The following KCNH1 variants were observed in gnomAD, a reference collection of about 807,000 sequenced individuals.
The protein encoded by KCNH1 is potassium voltage-gated channel subfamily H member 1, also known as voltage-gated delayed rectifier potassium channel KCNH1.
KCNH1 carries 27 observed loss-of-function variants against 69.2 expected under a neutral mutation model. That is an observed-to-expected ratio of 0.39 (90% CI 0.29 to 0.54). The LOEUF (loss-of-function observed/expected upper bound fraction) is 0.54, where lower values mean the gene tolerates loss of function less well. KCNH1 is among the 20% of genes least tolerant of loss of function. KCNH1 has a pLI of 0.68. For missense variants in KCNH1, 798 were observed against 1,261.6 expected (o/e 0.63, Z 5.57); for synonymous variants, 456 against 487.7 (o/e 0.93, Z 0.86).
intron 1 of KCNH1, among the ~76,000 whole-genome samples, chr1:211,127,189 A>G (rs1691791415): frequency 6.6e-6 from 1 of 152,206 alleles, no homozygotes; most frequent in Non-Finnish European, 1.5e-5. Context: ...TCGTGCTTAT[A>G]AAACTGAACC....
intron 5 of KCNH1, among the ~76,000 whole-genome samples, chr1:211,023,673 A>C (rs1263442841): frequency 6.6e-6 from 1 of 152,098 alleles, no homozygotes; most frequent in East Asian, 1.9e-4. Context: ...AGAGAATGTG[A>C]TAGGGAAGCG....
intron 3 of KCNH1, among the ~76,000 whole-genome samples, chr1:211,090,971 C>T (rs1691041060): frequency 6.6e-6 from 1 of 152,090 alleles, no homozygotes; most frequent in African/African-American, 2.4e-5. Flanking sequence ...AGAACCCCAC[C>T]AGATGTTATG....
At chr1:210,786,435 C>A (rs1684104500) in intron 9 of KCNH1, among the ~76,000 whole-genome samples, 1 of 152,120 alleles carries the variant, frequency 6.6e-6, no homozygotes, top group African/African-American at 2.4e-5. Flanking sequence ...TACGACCCCT[C>A]CCCCACCACA....
At chr1:210,934,852 T>G (rs1687747054) in intron 6 of KCNH1, among the ~76,000 whole-genome samples, 1 of 151,576 alleles carries the variant, frequency 6.6e-6, no homozygotes, top group South Asian at 2.1e-4. Context: ...TAATATAAAT[T>G]GGTTATAAAT....
chr1:210,867,697 C>T (rs1020416484), intron 7 of KCNH1, among the ~76,000 whole-genome samples: 1 of 151,976 alleles, frequency 6.6e-6, no homozygotes, highest in African/African-American at 2.4e-5. Context: ...CCCTAGGCAA[C>T]AATTGATCTA....
At position 210,869,751 on chromosome 1, in the gene KCNH1, T is replaced by C. The variant is rs566013582; in HGVS notation, c.1462+49889A>G. Among the ~76,000 whole-genome samples the C allele has an allele frequency of 3.3e-5, 5 of 152,264 alleles. No individual in the cohort carries two copies. The South Asian group carries it at 1.0e-3, about 32-fold the overall frequency. ...CCTATAACTAAGCTGTGACTTATTT[T>C]GGAATGCCCTCAATATTAAGCAAGG... On this transcript the variant is annotated intron_variant, in intron 7 of 10. Coordinates refer to ENST00000271751, the MANE Select transcript of KCNH1 (RefSeq NM_172362.3).
intron 9 of KCNH1, among the ~76,000 whole-genome samples, chr1:210,784,011 G>A (rs995928431): frequency 6.6e-5 from 10 of 152,182 alleles, no homozygotes; most frequent in Admixed American, 2.6e-4. Flanking sequence ...AGCACATTCA[G>A]AGCAAAACCT....
chr1:211,044,268 C>T (rs1256296845), intron 5 of KCNH1, among the ~76,000 whole-genome samples: 1 of 152,150 alleles, frequency 6.6e-6, no homozygotes, highest in Non-Finnish European at 1.5e-5. Flanking sequence ...TTAATGTACA[C>T]AAATCAGTAG....
At chr1:210,813,608 T>G (rs896980973) in intron 7 of KCNH1, among the ~76,000 whole-genome samples, 3 of 152,202 alleles carry the variant, frequency 2.0e-5, no homozygotes, top group African/African-American at 7.2e-5. Flanking sequence ...TCTTCTAATG[T>G]GATATTGATG....
At chr1:211,078,964 G>T (rs1271269441) in intron 5 of KCNH1, among the ~76,000 whole-genome samples, 2 of 148,526 alleles carry the variant, frequency 1.3e-5, no homozygotes, top group Admixed American at 6.7e-5. Flanking sequence ...TAACTAAGAT[G>T]AGAGCAGAAC....
chr1:211,088,819 A>G (rs935805691), intron 4 of KCNH1, among the ~76,000 whole-genome samples: 1 of 152,154 alleles, frequency 6.6e-6, no homozygotes, highest in African/African-American at 2.4e-5. Context: ...GTATCTCCTC[A>G]TGAGTGTCTG....
At chr1:210,799,567 C>T (rs1018814031) in intron 8 of KCNH1, among the ~76,000 whole-genome samples, 2 of 152,188 alleles carry the variant, frequency 1.3e-5, no homozygotes, top group African/African-American at 4.8e-5. Flanking sequence ...GCATGGCCCC[C>T]TACATAGCAA....
At chr1:210,711,655 C>A (rs1682078200) in intron 10 of KCNH1, among the ~76,000 whole-genome samples, 1 of 152,214 alleles carries the variant, frequency 6.6e-6, no homozygotes, top group Non-Finnish European at 1.5e-5. Context: ...CTCTCTTCTA[C>A]CCCTTTATCA....
intron 4 of KCNH1, among the ~76,000 whole-genome samples, chr1:211,087,674 G>C (rs1367761009): frequency 1.3e-5 from 2 of 149,690 alleles, no homozygotes; most frequent in Non-Finnish European, 3.0e-5. Flanking sequence ...CCCCAGAGCT[G>C]TTAGCAAACA....
intron 1 of KCNH1, among the ~76,000 whole-genome samples, chr1:211,112,819 T>C (rs762637865): frequency 1.6e-4 from 24 of 152,160 alleles, no homozygotes; most frequent in Non-Finnish European, 2.9e-4. Context: ...TCCAACAGTA[T>C]AGAAATTCTT....
At position 210,876,204 on chromosome 1, in the gene KCNH1, C is replaced by T. The variant is rs112213476; in HGVS notation, c.1462+43436G>A. On this transcript the variant is annotated intron_variant, in intron 7 of 10. Coordinates refer to ENST00000271751, the MANE Select transcript of KCNH1 (RefSeq NM_172362.3). ...AAAAGAACAGCAAAGAGAACTGACCCACCAGTTAAAATATATTAAATGTCT... is the reference window on the plus strand; with the variant it reads ...AAAAGAACAGCAAAGAGAACTGACCTACCAGTTAAAATATATTAAATGTCT... Among the ~76,000 whole-genome samples, 266 of 152,206 alleles carry T rather than the reference C, an allele frequency of 1.7e-3. 4 individuals carry two copies. The highest frequency in any genetic ancestry group is 5.9e-3 in the African/African-American group (247 of 41,514).
intron 6 of KCNH1, among the ~76,000 whole-genome samples, chr1:210,995,600 C>T (rs1310347392): frequency 6.6e-6 from 1 of 152,142 alleles, no homozygotes; most frequent in Non-Finnish European, 1.5e-5. Flanking sequence ...CATATACTAC[C>T]AAATACCCCT....
intron 1 of KCNH1, among the ~76,000 whole-genome samples, chr1:211,116,652 A>G (rs375798146): frequency 3.6e-4 from 55 of 151,986 alleles, no homozygotes; most frequent in African/African-American, 1.3e-3. Context: ...AAGAGGAATC[A>G]CTCTGTTTGT....
At chr1:210,947,932 C>T (rs61849000) in intron 6 of KCNH1, among the ~76,000 whole-genome samples, 12,793 of 151,868 alleles carry the variant, frequency 0.084, 974 homozygotes, top group East Asian at 0.39. Flanking sequence ...AATTGCCCTC[C>T]ATGGTGGCTG....
Sources: allele counts gnomAD v4.1 joint callset (sites outside exome capture counted in the v4.1 genomes callset), GRCh38; gene constraint gnomAD v4.1.1; transcripts MANE v1.5; gene names NCBI Gene and HGNC (gene_info 2026-07-23, HGNC 2026-07-21).